Variants in TENM3 observed in about 807,000 individuals in gnomAD.
The protein encoded by TENM3 is teneurin transmembrane protein 3, also known as teneurin-3.
A neutral mutation model predicts 255.1 loss-of-function variants in TENM3; 63 were observed. That is an observed-to-expected ratio of 0.25 (90% confidence interval 0.20 to 0.30). The LOEUF is 0.30. Among genes scored for constraint, TENM3 ranks in the 10% least tolerant of loss-of-function variants. The pLI is 1.00. For missense variants in TENM3, 2,929 were observed against 3,461.1 expected, an observed-to-expected ratio of 0.85 and a Z score of 3.86; for synonymous variants, 1,306 against 1,322.3, an observed-to-expected ratio of 0.99 and a Z score of 0.27.
the TENM3 span, among the ~76,000 whole-genome samples, chr4:181,613,649 AT>A: frequency 6.6e-6 from 1 of 152,228 alleles, no homozygotes; most frequent in Non-Finnish European, 1.5e-5. Flanking sequence ...ATGATAAAAA[AT>A]AACACGTCCT....
the TENM3 span, among the ~76,000 whole-genome samples, chr4:181,777,010 C>T: frequency 5.3e-5 from 8 of 151,864 alleles, no homozygotes; most frequent in East Asian, 5.8e-4. Flanking sequence ...TTGCCTAGGC[C>T]GATATCCAGG....
chr4:182,617,707 AAGC>A (rs1214404423), intron 4 of TENM3, among the ~76,000 whole-genome samples: 4 of 152,178 alleles, frequency 2.6e-5, no homozygotes, highest in Admixed American at 2.0e-4. Flanking sequence ...AATTTGAAGA[AAGC>A]AATCTATATT....
chr4:182,137,281 G>A, the TENM3 span, among the ~76,000 whole-genome samples: 89 of 151,834 alleles, frequency 5.9e-4, no homozygotes, highest in Non-Finnish European at 1.1e-3. Context: ...AAGGGGATAA[G>A]TTAGCTTTTC....
chr4:182,018,521 AT>A, the TENM3 span, among the ~76,000 whole-genome samples: 999 of 152,258 alleles, frequency 6.6e-3, 8 homozygotes, highest in African/African-American at 0.023. Flanking sequence ...AAACTCTGAC[AT>A]TTTTTGACAA....
chr4:182,393,129 A>G (rs1768552578), intron 3 of TENM3, among the ~76,000 whole-genome samples: 1 of 152,204 alleles, frequency 6.6e-6, no homozygotes, highest in Non-Finnish European at 1.5e-5. Flanking sequence ...CTAACAGACA[A>G]CGTCTTTTTA....
At chr4:181,512,182 C>T in the TENM3 span, among the ~76,000 whole-genome samples, 15 of 152,120 alleles carry the variant, frequency 9.9e-5, no homozygotes, top group Non-Finnish European at 1.8e-4. Context: ...GTCTATGCTT[C>T]CAGGCTGTGG....
Position 182,738,484 on chromosome 4 carries a change from G to C in TENM3, c.3319G>C (p.Asp1107His). The C allele has an allele frequency of 1.2e-6, 2 of 1,613,422 alleles. No homozygotes were observed. Among genetic ancestry groups the C allele is most frequent in the Non-Finnish European group, 1.7e-6 (2 of 1,179,606 alleles). Reference sequence around the variant, plus strand: ...TGCCATTCTGCAGGGCTATGAATTGGATGCGTCCAACATGGGTGGCTGGAC... The same window carrying C: ...TGCCATTCTGCAGGGCTATGAATTGCATGCGTCCAACATGGGTGGCTGGAC... Reference protein sequence around the residue: ...RTAILQGYELDASNMGGWTLD... With the variant: ...RTAILQGYELHASNMGGWTLD... The change falls in exon 18 of 28, where the codon GAT (aspartate) becomes CAT (histidine). Residue 1107 changes from aspartate (D) to histidine (H), a missense_variant. Transcript: ENST00000511685.
intron 14 of TENM3, among the ~76,000 whole-genome samples, chr4:182,729,862 A>G (rs866131651): frequency 3.3e-5 from 5 of 152,208 alleles, no homozygotes; most frequent in African/African-American, 7.2e-5. Flanking sequence ...TGGAAAGTCT[A>G]CTTTTCTTCA....
At chr4:182,067,290 C>A in the TENM3 span, among the ~76,000 whole-genome samples, 1 of 152,122 alleles carries the variant, frequency 6.6e-6, no homozygotes, top group East Asian at 1.9e-4. Context: ...GGACACATCT[C>A]AGACGAACGG....
At chr4:182,518,894 A>C (rs1248314545) in intron 3 of TENM3, among the ~76,000 whole-genome samples, 2 of 152,240 alleles carry the variant, frequency 1.3e-5, no homozygotes, top group African/African-American at 2.4e-5. Flanking sequence ...CCTATTAAGG[A>C]AAACAACTAA....
intron 12 of TENM3, among the ~76,000 whole-genome samples, chr4:182,689,993 G>A (rs1284039143): frequency 6.6e-6 from 1 of 152,280 alleles, no homozygotes; most frequent in South Asian, 2.1e-4. Context: ...TTTTATTGGG[G>A]CTTCTCCAGG....
At chr4:182,719,333 C>G (rs1230864205) in intron 13 of TENM3, among the ~76,000 whole-genome samples, 1 of 128,072 alleles carries the variant, frequency 7.8e-6, no homozygotes. Context: ...GTGGTCTCGG[C>G]TCACTGCAAC....
intron 3 of TENM3, among the ~76,000 whole-genome samples, chr4:182,544,192 A>G (rs1223884011): frequency 6.6e-6 from 1 of 152,174 alleles, no homozygotes; most frequent in Admixed American, 6.5e-5. Flanking sequence ...GATTGTGCAG[A>G]AAGAGAGCAG....
At chr4:182,213,062 T>A (rs1755162570) in intron 1 of TENM3, among the ~76,000 whole-genome samples, 1 of 152,214 alleles carries the variant, frequency 6.6e-6, no homozygotes, top group Admixed American at 6.5e-5. Flanking sequence ...TGATTAGCAG[T>A]TAAAAGCATT....
the TENM3 span, among the ~76,000 whole-genome samples, chr4:181,614,517 T>C: frequency 6.6e-6 from 1 of 152,186 alleles, no homozygotes; most frequent in African/African-American, 2.4e-5. Flanking sequence ...CTCTAAGTGA[T>C]GCTGAGATAT....
the TENM3 span, among the ~76,000 whole-genome samples, chr4:181,493,111 C>T: frequency 4.0e-5 from 6 of 151,716 alleles, no homozygotes; most frequent in East Asian, 1.2e-3. Context: ...GATTATCTTC[C>T]CTAGATAAGA....
the TENM3 span, among the ~76,000 whole-genome samples, chr4:182,067,832 T>C: frequency 6.6e-6 from 1 of 152,354 alleles, no homozygotes; most frequent in South Asian, 2.1e-4. Context: ...TGAAAAAGTT[T>C]GTGTTACCAT....
intron 1 of TENM3, among the ~76,000 whole-genome samples, chr4:182,217,614 C>G (rs932306860): frequency 6.6e-6 from 1 of 151,960 alleles, no homozygotes; most frequent in Non-Finnish European, 1.5e-5. Flanking sequence ...AACATTATAC[C>G]CATTTTACAG....
At chr4:182,366,054 G>A (rs1341947149) in intron 3 of TENM3, among the ~76,000 whole-genome samples, 2 of 152,162 alleles carry the variant, frequency 1.3e-5, no homozygotes, top group East Asian at 3.9e-4. Context: ...GTGTGTGACT[G>A]TAGAGATATA....
Sources: gnomAD v4.1 joint callset for allele counts (sites outside exome capture counted in the v4.1 genomes callset) on GRCh38, gnomAD v4.1.1 for gene constraint, MANE v1.5 for transcripts, NCBI Gene and HGNC (gene_info 2026-07-23, HGNC 2026-07-21) for gene names.